HTT: variants seen among roughly 807,000 people sequenced by gnomAD.
HTT encodes the protein huntington disease protein.
In HTT, 104 loss-of-function variants were observed where a neutral mutation model predicts 362.3. The observed-to-expected ratio is 0.29, with a 90% CI of 0.24 to 0.34. The LOEUF is 0.34. HTT is among the 10% of genes least tolerant of loss of function. The probability of loss-of-function intolerance (pLI) is 1.00; values close to 1 mark genes in which losing one functional copy is unlikely to be tolerated. For synonymous variants in HTT, 1,577 were observed against 1,548.7 expected (o/e 1.02, Z -0.43); for missense variants, 3,301 against 3,928.6 (o/e 0.84, Z 4.27).
chr4:3,233,352 C>T lies in HTT; in HGVS notation c.8455C>T (p.His2819Tyr). The T allele has an allele frequency of 6.3e-7, 1 of 1,594,244 alleles. No homozygotes were observed. The highest frequency in any genetic ancestry group is 8.6e-7 in the Non-Finnish European group (1 of 1,164,346). Reference sequence around the variant, plus strand: ...CCTCTCCAACCTGAAAGGGATCGCCCAGTGAGTGGGAGCCTGGCTGGGGCT... The same window carrying T: ...CCTCTCCAACCTGAAAGGGATCGCCTAGTGAGTGGGAGCCTGGCTGGGGCT... ...YLLSNLKGIA[H>Y]CVNIHSQQHV... Residue 2819 changes from histidine (H) to tyrosine (Y), a missense_variant and splice_region_variant, in exon 61 of 67, where the codon CAC becomes TAC. This residue lies in a region of HTT where 753 missense variants were observed against 1,021.3 expected (regional missense o/e 0.74). Transcript: ENST00000355072.
chr4:3,235,471 A>T (rs1721483514), intron 62 of HTT, 73 bp downstream of exon 62: 1 of 1,506,496 alleles, frequency 6.6e-7, no homozygotes, highest in Non-Finnish European at 9.2e-7. Flanking sequence ...GCAGGATCAT[A>T]CCAGTGGGCC....
intron 23 of HTT, among the ~76,000 whole-genome samples, chr4:3,143,394 GC>G (rs1414267927): frequency 2.6e-4 from 35 of 133,442 alleles, no homozygotes; most frequent in Admixed American, 1.0e-3. Context: ...CTGAGGTCAA[GC>G]CACTGCACTC....
At chr4:3,158,291 ACTT>A (rs1241304904) in intron 28 of HTT, among the ~76,000 whole-genome samples, 3 of 152,114 alleles carry the variant, frequency 2.0e-5, no homozygotes, top group Non-Finnish European at 2.9e-5. Context: ...CTACAAGTAT[ACTT>A]CTTAATTATT....
chr4:3,104,788 C>T (rs1370410499), intron 4 of HTT, among the ~76,000 whole-genome samples: 1 of 152,058 alleles, frequency 6.6e-6, no homozygotes, highest in African/African-American at 2.4e-5. Context: ...ACTATAGTCT[C>T]AGCTACTTGG....
At chr4:3,213,900 G>T in intron 49 of HTT, 58 bp from the exon 50 acceptor site, 1 of 1,418,066 alleles carries the variant, frequency 7.1e-7, no homozygotes. Context: ...TGATTCACAC[G>T]GCTTCCCCAA....
chr4:3,134,842 G>T (rs987575356), intron 19 of HTT, among the ~76,000 whole-genome samples: 16 of 152,138 alleles, frequency 1.1e-4, no homozygotes, highest in Non-Finnish European at 1.3e-4. Context: ...TGGTCCTCCT[G>T]CCTCAGCCTC....
intron 26 of HTT, among the ~76,000 whole-genome samples, chr4:3,153,659 A>G (rs2110211192): frequency 6.6e-6 from 1 of 152,274 alleles, no homozygotes; most frequent in Middle Eastern, 3.4e-3. Flanking sequence ...ACGGTGGCTC[A>G]TGCCTGTAAT....
intron 3 of HTT, among the ~76,000 whole-genome samples, chr4:3,101,920 A>G (rs1200015855): frequency 6.6e-6 from 1 of 152,138 alleles, no homozygotes. Flanking sequence ...GACCTTCTTA[A>G]TCATCACCGC....
At chr4:3,160,500 A>G in intron 29 of HTT, 108 bp downstream of exon 29, 2 of 768,354 alleles carry the variant, frequency 2.6e-6, no homozygotes, top group Non-Finnish European at 4.5e-6. Context: ...TGCCTCCGGG[A>G]GACTCCTCCC....
intron 1 of HTT, among the ~76,000 whole-genome samples, chr4:3,082,428 A>G (rs1712961234): frequency 6.6e-6 from 1 of 152,250 alleles, no homozygotes; most frequent in Non-Finnish European, 1.5e-5. Flanking sequence ...AAAATACCTT[A>G]TAAAGCACTG....
Position 3,186,628 on chromosome 4 carries a change from T to G in HTT, c.4898T>G (p.Val1633Gly), listed in dbSNP as rs750561652. The change falls in exon 38 of 67, where the codon GTG becomes GGG. Residue 1633 changes from valine (V) to glycine (G), a missense_variant. Val to Gly is a moderately radical substitution (Grantham distance 109). Coordinates refer to ENST00000355072, the MANE Select transcript of HTT (RefSeq NM_001388492.1). Reference sequence around the variant, plus strand: ...ATTGACTCTCATGAAGCCCTTGGAGTGTTAAATACATTATTTGAGATTTTG... The same window carrying G: ...ATTGACTCTCATGAAGCCCTTGGAGGGTTAAATACATTATTTGAGATTTTG... ...MHIDSHEALGVLNTLFEILAP... is the reference protein window; with the variant it reads ...MHIDSHEALGGLNTLFEILAP... 3.7e-6 allele frequency: 6 copies of G among 1,613,394 alleles called. No homozygotes were observed. The highest frequency in any genetic ancestry group is 5.1e-6 in the Non-Finnish European group (6 of 1,179,590).
At chr4:3,086,496 C>T (rs1024078631) in intron 1 of HTT, among the ~76,000 whole-genome samples, 2 of 152,092 alleles carry the variant, frequency 1.3e-5, no homozygotes, top group African/African-American at 2.4e-5. Flanking sequence ...CGTGAGGCCC[C>T]GTCTCTACAA....
rs915886832 is a variant in HTT, at chr4:3,239,854, A to G, written c.9224A>G (p.His3075Arg). The change falls in exon 67 of 67, where the codon CAT (histidine) becomes CGT (arginine). Residue 3075 changes from histidine to arginine, a missense_variant. This residue lies in a region of HTT where 753 missense variants were observed against 1,021.3 expected (regional missense o/e 0.74). Transcript: ENST00000355072. ...TSPWVAAILP[H>R]VISRMGKLEQ... ...CTTAACTCCTGCACCAGCCTCCCACATGTCATCAGCAGGATGGGCAAGCTG... is the reference window on the plus strand; with the variant it reads ...CTTAACTCCTGCACCAGCCTCCCACGTGTCATCAGCAGGATGGGCAAGCTG... 1.3e-6 allele frequency: 2 copies of G among 1,556,938 alleles called. No homozygotes were observed. Among genetic ancestry groups the G allele is most frequent in the Non-Finnish European group, 1.7e-6 (2 of 1,149,548 alleles).
In HTT at chr4:3,175,116, C is replaced by G; in HGVS notation, c.4407+9C>G. The G allele has an allele frequency of 6.2e-7, 1 of 1,606,542 alleles. No homozygotes were observed. The highest frequency in any genetic ancestry group is 1.3e-5 in the African/African-American group (1 of 74,570). On this transcript the variant is annotated intron_variant, in intron 33 of 66. Transcript: ENST00000355072. ...TTCTGGATTCAGATCAGGTTTGTCACTTTTATCTTTCATCCATCATACCTG... is the reference window on the plus strand; with the variant it reads ...TTCTGGATTCAGATCAGGTTTGTCAGTTTTATCTTTCATCCATCATACCTG...
rs550379751 is a variant in HTT, at chr4:3,077,275, C to T, written c.263+2187C>T. On this transcript the variant is annotated intron_variant, in intron 1 of 66. Coordinates refer to ENST00000355072, the MANE Select transcript of HTT (RefSeq NM_001388492.1). Reference sequence around the variant, plus strand: ...AAAGGGCAATAATTAAAATATCTTCCTTCCACCCCTTTCCTCTGAGTACCT... The same window carrying T: ...AAAGGGCAATAATTAAAATATCTTCTTTCCACCCCTTTCCTCTGAGTACCT... Among the ~76,000 whole-genome samples the T allele has an allele frequency of 3.9e-5, 6 of 152,196 alleles. No homozygotes were observed. The East Asian group carries it at 1.2e-3, about 29-fold the overall frequency.
chr4:3,217,814 GTC>G lies in HTT; in HGVS notation c.7108_7109del (p.Leu2370AlafsTer9). On this transcript the variant is annotated frameshift_variant, in exon 52 of 67. Transcript: ENST00000355072. LOFTEE classifies it high-confidence loss of function. Reference sequence around the variant, plus strand: ...GTGAGATGGTGGCAGAAATGGTGGAGTCTCTGCAGTCGGTGTTGGCCTTGGGT... The same window carrying G: ...GTGAGATGGTGGCAGAAATGGTGGAGTCTGCAGTCGGTGTTGGCCTTGGGT... Reference protein sequence around the residue: ...ACEMVAEMVESLQSVLALGHK... With the variant: ...ACEMVAEMVEXLQSVLALGHK... 1 of 1,614,158 alleles carries G rather than the reference GTC, an allele frequency of 6.2e-7. No individual in the cohort carries two copies. The highest frequency in any genetic ancestry group is 8.5e-7 in the Non-Finnish European group (1 of 1,179,992).
chr4:3,180,386 T>C (rs1328317794), intron 35 of HTT, 129 bp from the exon 36 acceptor site: 1 of 714,720 alleles, frequency 1.4e-6, no homozygotes, highest in Non-Finnish European at 2.2e-6. Flanking sequence ...TTAATTCATC[T>C]CTTACCATAA....
Position 3,148,075 on chromosome 4 carries a change from A to C in HTT, c.3366A>C (p.Gln1122His). The change falls in exon 26 of 67, where the codon CAA (glutamine) becomes CAC (histidine). Residue 1122 changes from glutamine to histidine, a missense_variant. Gln to His is a conservative substitution (Grantham distance 24, BLOSUM62 0). Transcript: ENST00000355072. ...EEEANPAATK[Q>H]EEVWPALGDR... ...AAGCCAACCCAGCAGCCACCAAGCAAGAGGAGGTCTGGCCAGCCCTGGGGG... is the reference window on the plus strand; with the variant it reads ...AAGCCAACCCAGCAGCCACCAAGCACGAGGAGGTCTGGCCAGCCCTGGGGG... 1 of 1,614,156 alleles carries C rather than the reference A, an allele frequency of 6.2e-7. No individual in the cohort carries two copies. The highest frequency in any genetic ancestry group is 8.5e-7 in the Non-Finnish European group (1 of 1,180,016).
intron 1 of HTT, among the ~76,000 whole-genome samples, chr4:3,083,910 G>A (rs1460144121): frequency 7.2e-5 from 11 of 152,126 alleles, no homozygotes; most frequent in Non-Finnish European, 1.5e-5. Context: ...CAGGTGAATG[G>A]TTAAACTACT....
Sources: gnomAD v4.1 joint callset for allele counts (sites outside exome capture counted in the v4.1 genomes callset) on GRCh38, gnomAD v4.1.1 for gene constraint, gnomAD v4.1.1 regional missense constraint, MANE v1.5 for transcripts, NCBI Gene and HGNC (gene_info 2026-07-23, HGNC 2026-07-21) for gene names.